Variants in UBA52 observed in about 807,000 individuals in gnomAD.
The protein encoded by UBA52 is ubiquitin-ribosomal protein eL40 fusion protein.
UBA52 carries 1 observed loss-of-function variant against 15.3 expected under a neutral mutation model. The ratio of observed to expected loss-of-function variants is 0.07; its 90% CI spans 0.02 to 0.31. UBA52 has a LOEUF of 0.31. UBA52 is among the 10% of genes least tolerant of loss of function. The probability of loss-of-function intolerance (pLI) is 1.00; values close to 1 mark genes in which losing one functional copy is unlikely to be tolerated. For missense variants in UBA52, 87 were observed against 168.0 expected, an observed-to-expected ratio of 0.52 and a Z score of 2.66; for synonymous variants, 50 against 58.3, an observed-to-expected ratio of 0.86 and a Z score of 0.65.
chr19:18,573,127 C>T, intron 1 of UBA52, 166 bp from the exon 2 acceptor site: 1 of 1,123,548 alleles, frequency 8.9e-7, no homozygotes, highest in Non-Finnish European at 1.3e-6. Context: ...GTGTGAGAAG[C>T]CTAGCAGGGC....
chr19:18,572,723 G>A (rs1401588506), intron 1 of UBA52: 1 of 939,008 alleles, frequency 1.1e-6, no homozygotes, highest in African/African-American at 1.8e-5. Context: ...TGGGGTCAAG[G>A]CAAGAAGTGG....
upstream of UBA52, among the ~76,000 whole-genome samples, chr19:18,571,045 T>TA (rs1975461221): frequency 2.0e-5 from 3 of 149,820 alleles, no homozygotes; most frequent in Non-Finnish European, 4.4e-5. Flanking sequence ...CTGCAGTGGC[T>TA]CACGTCTGTA....
At chr19:18,567,178 CGTAA>C (rs750781742), upstream of UBA52, 8 of 1,614,010 alleles carry the variant, frequency 5.0e-6, no homozygotes, top group South Asian at 1.1e-5. Context: ...GGCCTTCAGC[CGTAA>C]GTGTCACGCA....
chr19:18,575,042 C>T lies in UBA52; in HGVS notation c.294-15C>T. ...TCGGGGTATGCCCTCACCCACCCCT[C>T]CTGTCTCTGTGCAGGTGCTATGCTC... On this transcript the variant is annotated splice_polypyrimidine_tract_variant and intron_variant, in intron 4 of 4. Coordinates refer to ENST00000442744, the MANE Select transcript of UBA52 (RefSeq NM_001033930.3). The T allele has an allele frequency of 4.3e-6, 7 of 1,614,222 alleles. No homozygotes were observed. The highest frequency in any genetic ancestry group is 5.9e-6 in the Non-Finnish European group (7 of 1,180,038).
rs41293563 is a variant in UBA52, at chr19:18,574,117, C to T, written c.190+369C>T. On this transcript the variant is annotated intron_variant, in intron 3 of 4. Coordinates refer to ENST00000442744, the MANE Select transcript of UBA52 (RefSeq NM_001033930.3). ...TGACCAACATGGTGAAATCCCATCT[C>T]TACTAAAAATACAAAAATTAGCTAG... 5.6e-3 allele frequency among the ~76,000 whole-genome samples: 852 copies of T among 151,574 alleles called. 9 individuals carry two copies. Among genetic ancestry groups the T allele is most frequent in the African/African-American group, 0.019 (803 of 41,322 alleles).
intron 3 of UBA52, 189 bp downstream of exon 3, chr19:18,573,937 G>A: frequency 1.7e-6 from 1 of 584,512 alleles, no homozygotes; most frequent in Non-Finnish European, 3.0e-6. Context: ...GATCACCTGA[G>A]GTCAGGAGTT....
At chr19:18,564,079 G>T in the UBA52 span, among the ~76,000 whole-genome samples, 5 of 151,974 alleles carry the variant, frequency 3.3e-5, no homozygotes. Flanking sequence ...TAGAGACGCG[G>T]TTTTCCCATG....
rs1975811587 is a variant in UBA52, at chr19:18,576,974, C to CCTTTTT, written c.*1824_*1825insCTTTTT. 1 of 88,182 alleles carries CCTTTTT rather than the reference C, an allele frequency of 1.1e-5. No individual in the cohort carries two copies. The highest frequency in any genetic ancestry group is 3.5e-5 in the African/African-American group (1 of 28,682). 5.5% of individuals were successfully genotyped at this position (88,182 alleles called of 1,614,324 possible). ...TAAGCCACAGCGCCTGGCCTTGCTA[C>CCTTTTT]ATTTTTTTTTTTTTTTTTTTTTTTA... is the stretch of plus-strand genomic sequence containing the variant. On this transcript the variant is annotated 3_prime_UTR_variant, in exon 5 of 5. Transcript: ENST00000442744.
upstream of UBA52, among the ~76,000 whole-genome samples, chr19:18,571,294 G>A (rs1240626157): frequency 7.4e-6 from 1 of 135,720 alleles, no homozygotes; most frequent in East Asian, 2.2e-4. Context: ...TGGGCAACGA[G>A]AGCGAAACTC....
At chr19:18,568,587 A>G (rs112476678), upstream of UBA52, 1 of 1,613,134 alleles carries the variant, frequency 6.2e-7, no homozygotes, top group Non-Finnish European at 8.5e-7. Context: ...CCCAGCCATC[A>G]ACGGCCGCAG....
chr19:18,575,214 G>C lies in UBA52; in HGVS notation c.*64G>C, dbSNP rs747727868. On this transcript the variant is annotated 3_prime_UTR_variant, in exon 5 of 5. Transcript: ENST00000442744. The stretch of plus-strand genomic sequence containing the variant: ...CCCGTGGCCCTGGAGCCTCAATAAA[G>C]TGTCCCTTTCATTGACTGGAGCAGC... 6.3e-7 allele frequency: 1 copy of C among 1,591,708 alleles called. No individual in the cohort carries two copies. The highest frequency in any genetic ancestry group is 8.6e-7 in the Non-Finnish European group (1 of 1,163,626).
At chr19:18,571,206 A>G (rs1378683865), upstream of UBA52, among the ~76,000 whole-genome samples, 8 of 149,742 alleles carry the variant, frequency 5.3e-5, no homozygotes, top group South Asian at 2.1e-4. Context: ...GCTACTCGGG[A>G]GGCTGAGGCA....
At chr19:18,567,645 G>C (rs12980049), upstream of UBA52, among the ~76,000 whole-genome samples, 4,187 of 152,300 alleles carry the variant, frequency 0.027, 60 homozygotes, top group Non-Finnish European at 0.041. Context: ...ACTTGAGTTC[G>C]CATCTGTCTG....
upstream of UBA52, among the ~76,000 whole-genome samples, chr19:18,568,025 T>G (rs1026735636): frequency 5.9e-5 from 9 of 152,072 alleles, no homozygotes; most frequent in African/African-American, 1.9e-4. Flanking sequence ...CCCAACACTT[T>G]GGGAGGCTGA....
chr19:18,564,596 C>T, the UBA52 span, among the ~76,000 whole-genome samples: 1 of 152,132 alleles, frequency 6.6e-6, no homozygotes, highest in African/African-American at 2.4e-5. Context: ...GCACTCCAGC[C>T]TGGGTGACGA....
chr19:18,570,967 C>T (rs975005888), upstream of UBA52, among the ~76,000 whole-genome samples: 5 of 151,202 alleles, frequency 3.3e-5, no homozygotes, highest in African/African-American at 1.2e-4. Context: ...CGTGAGTCAC[C>T]GGACCCAGGT....
upstream of UBA52, chr19:18,571,612 G>A (rs1333583799): frequency 2.0e-5 from 3 of 152,328 alleles, no homozygotes; most frequent in Admixed American, 6.5e-5. Flanking sequence ...GGTTGTCAGT[G>A]GCCTAGAGGC....
upstream of UBA52, among the ~76,000 whole-genome samples, chr19:18,568,069 A>T (rs1310603596): frequency 6.6e-6 from 1 of 152,168 alleles, no homozygotes; most frequent in Non-Finnish European, 1.5e-5. Flanking sequence ...GGAGTTCGAT[A>T]CCAGCCTGAC....
intron 3 of UBA52, among the ~76,000 whole-genome samples, chr19:18,574,513 T>G (rs1211554023): frequency 6.6e-6 from 1 of 152,022 alleles, no homozygotes; most frequent in East Asian, 1.9e-4. Flanking sequence ...GCTGGTCTCT[T>G]AAAGTGCTAG....
Sources: gnomAD v4.1 joint callset for allele counts (sites outside exome capture counted in the v4.1 genomes callset) on GRCh38, gnomAD v4.1.1 for gene constraint, MANE v1.5 for transcripts, NCBI Gene and HGNC (gene_info 2026-07-23, HGNC 2026-07-21) for gene names.